Variants in ZNF721 observed in about 807,000 individuals in gnomAD.
ZNF721 encodes zinc finger protein 721.
Under a neutral mutation model 2.4 loss-of-function variants are expected in ZNF721, and 2 were observed. That is an observed-to-expected ratio of 0.82 (90% CI 0.34 to 2.58). The LOEUF (loss-of-function observed/expected upper bound fraction) is 2.58, where lower values mean the gene tolerates loss of function less well. ZNF721 is among the 30% of genes most tolerant of loss of function. The probability of loss-of-function intolerance (pLI) is 0.11; values close to 1 mark genes in which losing one functional copy is unlikely to be tolerated. For missense variants in ZNF721, 1,187 were observed against 1,085.5 expected (o/e 1.09, Z -1.31); for synonymous variants, 398 against 381.8 (o/e 1.04, Z -0.50).
At position 442,460 on chromosome 4, in the gene ZNF721, G is replaced by GT. The variant is rs1420935750; in HGVS notation, c.2006dup (p.Tyr669Ter). 3 of 1,613,798 alleles carry GT rather than the reference G, an allele frequency of 1.9e-6. No individual in the cohort carries two copies. The highest frequency in any genetic ancestry group is 2.5e-6 in the Non-Finnish European group (3 of 1,179,856). Residue 669 changes from tyrosine to a stop codon, truncating the protein, a stop_gained and frameshift_variant, in exon 3 of 3, where the codon TAC becomes TAAC. Coordinates refer to ENST00000511833, the MANE Select transcript of ZNF721 (RefSeq NM_133474.4). LOFTEE classifies it low-confidence loss of function (END_TRUNC). ...HTKILTGEQS[Y>*]KCEECGKAFG... is the part of the protein sequence containing the mutation. ...AGGCTTTGCCACACTCTTCACATTTGTAACTTTGCTCTCCAGTAAGAATTT... is the reference window on the plus strand; with the variant it reads ...AGGCTTTGCCACACTCTTCACATTTGTTAACTTTGCTCTCCAGTAAGAATTT...
chr4:475,749 T>C (rs1715609004), intron 1 of ZNF721, among the ~76,000 whole-genome samples: 2 of 146,644 alleles, frequency 1.4e-5, no homozygotes, highest in Admixed American at 1.3e-4. Context: ...AGTCCCAATA[T>C]AGCTTCAACT....
chr4:475,792 CCTA>C lies in ZNF721; in HGVS notation c.-93-3094_-93-3092del, dbSNP rs200946916. Among the ~76,000 whole-genome samples the C allele has an allele frequency of 1.0e-2, 1,520 of 152,018 alleles. 23 individuals are homozygous for C. Among genetic ancestry groups the C allele is most frequent in the African/African-American group, 0.035 (1,445 of 41,434 alleles). On this transcript the variant is annotated intron_variant, in intron 1 of 2. Coordinates refer to ENST00000511833, the MANE Select transcript of ZNF721 (RefSeq NM_133474.4). ...AGACCTCACTATACCAAAGCTTCCCCCTACTAACGTGCTATTTCTAACACAAGC... is the reference window on the plus strand; with the variant it reads ...AGACCTCACTATACCAAAGCTTCCCCCTAACGTGCTATTTCTAACACAAGC...
chr4:499,065 GGCGGCGACCGTCGC>G lies in ZNF721; in HGVS notation c.-117_-104del. 1.9e-6 allele frequency: 1 copy of G among 531,280 alleles called. No homozygotes were observed. Among genetic ancestry groups the G allele is most frequent in the Admixed American group, 3.6e-5 (1 of 27,616 alleles). 32.9% of individuals were successfully genotyped at this position (531,280 alleles called of 1,614,324 possible). On this transcript the variant is annotated 5_prime_UTR_variant, in exon 1 of 3. Coordinates refer to ENST00000511833, the MANE Select transcript of ZNF721 (RefSeq NM_133474.4). Reference sequence around the variant, plus strand: ...TTTTAAAACCTCGTACCTCGCCGTGGGCGGCGACCGTCGCGGACTCGCCGGGAAGACGGCCCCAC... The same window carrying G: ...TTTTAAAACCTCGTACCTCGCCGTGGGGACTCGCCGGGAAGACGGCCCCAC...
At position 443,241 on chromosome 4, in the gene ZNF721, C is replaced by G; in HGVS notation, c.1226G>C (p.Arg409Thr). Residue 409 changes from arginine to threonine, a missense_variant, in exon 3 of 3, where the codon AGA (arginine) becomes ACA (threonine). By Grantham distance (71) the Arg-to-Thr change is moderately conservative. Transcript: ENST00000511833. ...NSSTNLTAHK[R>T]IHTREKPYTC... ...GTAGGGTTTCTCTCTGGTGTGAATT[C>G]TCTTATGTGCAGTAAGGTTTGTTGA... 1 of 1,613,862 alleles carries G rather than the reference C, an allele frequency of 6.2e-7. No individual in the cohort carries two copies. The highest frequency in any genetic ancestry group is 8.5e-7 in the Non-Finnish European group (1 of 1,179,904).
chr4:495,056 G>A (rs555902624), intron 1 of ZNF721, among the ~76,000 whole-genome samples: 6 of 151,906 alleles, frequency 3.9e-5, no homozygotes, highest in Admixed American at 1.3e-4. Context: ...CTAATTTTTC[G>A]TATTTTTAAT....
chr4:491,137 TG>T (rs1353166257), intron 1 of ZNF721, among the ~76,000 whole-genome samples: 1 of 152,006 alleles, frequency 6.6e-6, no homozygotes, highest in Non-Finnish European at 1.5e-5. Context: ...TTACAAAAAC[TG>T]ATTTTGGGGC....
At chr4:468,786 C>T (rs1212104542) in intron 2 of ZNF721, among the ~76,000 whole-genome samples, 3 of 152,178 alleles carry the variant, frequency 2.0e-5, no homozygotes, top group Non-Finnish European at 4.4e-5. Flanking sequence ...AAACTGTAAT[C>T]ATTGTTAAAT....
At position 441,539 on chromosome 4, in the gene ZNF721, A is replaced by G. The variant is rs1250786351; in HGVS notation, c.*156T>C. Reference sequence around the variant, plus strand: ...AGCCTTCTCACATTTTTCACATTTTAGAGTTTCTCTTCATTATGAATTATC... The same window carrying G: ...AGCCTTCTCACATTTTTCACATTTTGGAGTTTCTCTTCATTATGAATTATC... On this transcript the variant is annotated 3_prime_UTR_variant, in exon 3 of 3. Coordinates refer to ENST00000511833, the MANE Select transcript of ZNF721 (RefSeq NM_133474.4). The G allele has an allele frequency of 2.2e-5, 14 of 650,184 alleles. No homozygotes were observed. The African/African-American group carries it at 2.2e-4, about 10-fold the overall frequency. 40.3% of individuals were successfully genotyped at this position (650,184 alleles called of 1,614,324 possible).
At position 442,837 on chromosome 4, in the gene ZNF721, G is replaced by C. The variant is rs1714311405; in HGVS notation, c.1630C>G (p.Leu544Val). 1 of 1,613,834 alleles carries C rather than the reference G, an allele frequency of 6.2e-7. No individual in the cohort carries two copies. Among genetic ancestry groups the C allele is most frequent in the South Asian group, 1.1e-5 (1 of 91,054 alleles). The change falls in exon 3 of 3, where the codon CTT (leucine) becomes GTT (valine). Residue 544 changes from leucine to valine, a missense_variant. Physicochemically the swap from Leu to Val is conservative, Grantham distance 32. Transcript: ENST00000511833. Reference sequence around the variant, plus strand: ...GTATGAATTCTCCTATGTACATAAAGGATTGCGGACTGTCTAAAGGCTTTG... The same window carrying C: ...GTATGAATTCTCCTATGTACATAAACGATTGCGGACTGTCTAAAGGCTTTG... ...CGKAFRQSAI[L>V]YVHRRIHTGE... is the part of the protein sequence containing the mutation.
chr4:490,061 T>A (rs1553871262), intron 1 of ZNF721, among the ~76,000 whole-genome samples: 1 of 151,888 alleles, frequency 6.6e-6, no homozygotes, highest in African/African-American at 2.4e-5. Context: ...GGTTTCACCA[T>A]GTTGGCCAGG....
chr4:464,135 C>T (rs1715161913), intron 2 of ZNF721, among the ~76,000 whole-genome samples: 2 of 152,036 alleles, frequency 1.3e-5, no homozygotes, highest in Admixed American at 1.3e-4. Flanking sequence ...AAAGCTTTAA[C>T]AAGGAGACTC....
intron 2 of ZNF721, among the ~76,000 whole-genome samples, chr4:448,562 T>A (rs1395180977): frequency 6.6e-6 from 1 of 152,140 alleles, no homozygotes. Context: ...CCTGTCAAAT[T>A]TGTAATTAAA....
At chr4:494,465 C>T (rs184668836) in intron 1 of ZNF721, among the ~76,000 whole-genome samples, 33 of 152,112 alleles carry the variant, frequency 2.2e-4, no homozygotes, top group Non-Finnish European at 3.1e-4. Flanking sequence ...GGATTACAGT[C>T]GTGAACCACC....
At position 443,977 on chromosome 4, in the gene ZNF721, G is replaced by T; in HGVS notation, c.490C>A (p.Pro164Thr). The T allele has an allele frequency of 6.2e-7, 1 of 1,614,120 alleles. No homozygotes were observed. Among genetic ancestry groups the T allele is most frequent in the Non-Finnish European group, 8.5e-7 (1 of 1,180,018 alleles). Reference sequence around the variant, plus strand: ...TTGCCACATTCTTCACATTTGTAAGGTTTCTCTCCAGTATGAATTTTCTTG... The same window carrying T: ...TTGCCACATTCTTCACATTTGTAAGTTTTCTCTCCAGTATGAATTTTCTTG... ...QHKKIHTGEK[P>T]YKCEECGKAF... Residue 164 changes from proline to threonine, a missense_variant, in exon 3 of 3, where the codon CCT becomes ACT. Coordinates refer to ENST00000511833, the MANE Select transcript of ZNF721 (RefSeq NM_133474.4).
At chr4:454,438 T>C (rs1285902108) in intron 2 of ZNF721, among the ~76,000 whole-genome samples, 3 of 152,226 alleles carry the variant, frequency 2.0e-5, no homozygotes, top group Non-Finnish European at 2.9e-5. Flanking sequence ...TACTGTTGTG[T>C]TGCAAAACTG....
At chr4:476,190 C>T (rs1287941848) in intron 1 of ZNF721, among the ~76,000 whole-genome samples, 1 of 152,186 alleles carries the variant, frequency 6.6e-6, no homozygotes, top group African/African-American at 2.4e-5. Flanking sequence ...AGTTTCAAGT[C>T]TTTCATTCCT....
chr4:445,896 TA>T (rs1209264686), intron 2 of ZNF721, among the ~76,000 whole-genome samples: 1 of 152,152 alleles, frequency 6.6e-6, no homozygotes, highest in African/African-American at 2.4e-5. Flanking sequence ...TGTGGTCTTA[TA>T]AGATTACCAG....
chr4:443,721 T>C lies in ZNF721; in HGVS notation c.746A>G (p.Tyr249Cys), dbSNP rs1553863721. ...GACTTTGCCACATTCCTTACATTTGTAGGGTTTCTCTCCAGTATGAATTTT... is the reference window on the plus strand; with the variant it reads ...GACTTTGCCACATTCCTTACATTTGCAGGGTTTCTCTCCAGTATGAATTTT... Reference protein sequence around the residue: ...HEKIHTGEKPYKCKECGKVIS... With the variant: ...HEKIHTGEKPCKCKECGKVIS... Residue 249 changes from tyrosine to cysteine, a missense_variant, in exon 3 of 3, where the codon TAC (tyrosine) becomes TGC (cysteine). Coordinates refer to ENST00000511833, the MANE Select transcript of ZNF721 (RefSeq NM_133474.4). 2.5e-6 allele frequency: 4 copies of C among 1,614,134 alleles called. No homozygotes were observed. Among genetic ancestry groups the C allele is most frequent in the South Asian group, 2.2e-5 (2 of 91,082 alleles).
chr4:469,364 T>C (rs1292604085), intron 2 of ZNF721, among the ~76,000 whole-genome samples: 5 of 152,044 alleles, frequency 3.3e-5, no homozygotes, highest in African/African-American at 1.2e-4. Flanking sequence ...AATAAAAAAT[T>C]TATACATTAA....
Sources: allele counts gnomAD v4.1 joint callset (sites outside exome capture counted in the v4.1 genomes callset), GRCh38; gene constraint gnomAD v4.1.1; transcripts MANE v1.5; gene names NCBI Gene and HGNC (gene_info 2026-07-23, HGNC 2026-07-21).